Variants in INPPL1 observed in about 807,000 individuals in gnomAD.
INPPL1 encodes inositol polyphosphate phosphatase like 1.
Under a neutral mutation model 139.3 loss-of-function variants are expected in INPPL1, and 91 were observed. That is an observed-to-expected ratio of 0.65 (90% CI 0.55 to 0.78). The LOEUF (loss-of-function observed/expected upper bound fraction) is 0.78, where lower values mean the gene tolerates loss of function less well. Among genes scored for constraint, INPPL1 ranks in the 30% least tolerant of loss-of-function variants. INPPL1 has a pLI of 0.00. For missense variants in INPPL1, 1,411 were observed against 1,665.6 expected (o/e 0.85, Z 2.66); for synonymous variants, 719 against 686.6 (o/e 1.05, Z -0.74).
intron 1 of INPPL1, among the ~76,000 whole-genome samples, chr11:72,225,939 C>T (rs753793797): frequency 6.6e-6 from 1 of 152,154 alleles, no homozygotes; most frequent in Non-Finnish European, 1.5e-5. Flanking sequence ...GGTTTTGCAG[C>T]CTTCTAGCGG....
intron 27 of INPPL1, 44 bp downstream of exon 27, chr11:72,238,219 G>T: frequency 1.2e-6 from 2 of 1,613,356 alleles, no homozygotes; most frequent in East Asian, 2.2e-5. Flanking sequence ...GGGCCCTCAG[G>T]ATCCCCTTGC....
chr11:72,223,739 C>T (rs1948581734), upstream of INPPL1: 1 of 151,700 alleles, frequency 6.6e-6, no homozygotes, highest in African/African-American at 2.4e-5. Flanking sequence ...CGCTCAACCC[C>T]GCGCCGCGAC....
chr11:72,225,111 A>G lies in INPPL1; in HGVS notation c.127A>G (p.Ser43Gly). Residue 43 changes from serine to glycine, a missense_variant, in exon 1 of 28, where the codon AGC becomes GGC. Around this residue, in one of 5 missense-constraint regions of INPPL1, gnomAD observed 504 missense variants for 595.6 expected, o/e 0.85. Transcript: ENST00000298229. ...ELLARAGRDGSFLVRDSESVA... is the reference protein window; with the variant it reads ...ELLARAGRDGGFLVRDSESVA... ...GCTGGCCCGGGCGGGCCGCGATGGC[A>G]GCTTCCTGGTCCGAGACAGCGAGAG... is the stretch of plus-strand genomic sequence containing the variant. 1 of 1,232,746 alleles carries G rather than the reference A, an allele frequency of 8.1e-7. No homozygotes were observed. Among genetic ancestry groups the G allele is most frequent in the Non-Finnish European group, 1.0e-6 (1 of 988,400 alleles). 76.4% of individuals were successfully genotyped at this position (1,232,746 alleles called of 1,614,324 possible).
Position 72,231,032 on chromosome 11 carries a change from C to T in INPPL1, c.1340C>T (p.Thr447Ile), listed in dbSNP as rs1461743600. 2 of 1,613,938 alleles carry T rather than the reference C, an allele frequency of 1.2e-6. No individual in the cohort carries two copies. The highest frequency in any genetic ancestry group is 1.7e-6 in the Non-Finnish European group (2 of 1,179,990). Residue 447 changes from threonine (T) to isoleucine (I), a missense_variant, in exon 12 of 28, where the codon ACA becomes ATA. Thr to Ile is a moderately conservative substitution (Grantham distance 89). This residue lies in a region of INPPL1 where 504 missense variants were observed against 595.6 expected (regional missense o/e 0.85). Coordinates refer to ENST00000298229, the MANE Select transcript of INPPL1 (RefSeq NM_001567.4). ...CCAAAAAACGTGACATCCTGGTTCA[C>T]ATCGAAGGGTCTGGGGAAGACCCTG... ...PPPKNVTSWF[T>I]SKGLGKTLDE...
chr11:72,238,457 TCTGC>T lies in INPPL1; in HGVS notation c.*107_*110del, dbSNP rs1207915705. 54 of 897,268 alleles carry T rather than the reference TCTGC, an allele frequency of 6.0e-5. No homozygotes were observed. Among genetic ancestry groups the T allele is most frequent in the Admixed American group, 7.2e-5 (2 of 27,778 alleles). 55.6% of individuals were successfully genotyped at this position (897,268 alleles called of 1,614,324 possible). ...GTTATGAGGGTCAGGGCAGTATCTCTCTGCCTATTTATTGGGGTGCCTATTTATT... is the reference window on the plus strand; with the variant it reads ...GTTATGAGGGTCAGGGCAGTATCTCTCTATTTATTGGGGTGCCTATTTATT... On this transcript the variant is annotated 3_prime_UTR_variant, in exon 28 of 28. Coordinates refer to ENST00000298229, the MANE Select transcript of INPPL1 (RefSeq NM_001567.4).
chr11:72,224,095 T>G (rs1211018630), upstream of INPPL1: 1 of 151,940 alleles, frequency 6.6e-6, no homozygotes, highest in African/African-American at 2.4e-5. Context: ...GCTGGGGAAC[T>G]TGGCCGAGAG....
At position 72,231,127 on chromosome 11, in the gene INPPL1, C is replaced by T. The variant is rs762627344; in HGVS notation, c.1435C>T (p.Arg479Cys). ...GACCCAGGAGAACTCAGTGGGCGACCGCGAGTGGCTGGACCTACTGCGCGG... is the reference window on the plus strand; with the variant it reads ...GACCCAGGAGAACTCAGTGGGCGACTGCGAGTGGCTGGACCTACTGCGCGG... ...FGTQENSVGD[R>C]EWLDLLRGGL... Residue 479 changes from arginine (R) to cysteine (C), a missense_variant, in exon 12 of 28, where the codon CGC becomes TGC. Transcript: ENST00000298229. The T allele has an allele frequency of 2.9e-5, 47 of 1,613,632 alleles. No homozygotes were observed. The highest frequency in any genetic ancestry group is 3.8e-5 in the Non-Finnish European group (45 of 1,180,006).
chr11:72,231,156 C>T lies in INPPL1; in HGVS notation c.1464C>T (p.Gly488=), dbSNP rs747026290. 5 of 1,613,350 alleles carry T rather than the reference C, an allele frequency of 3.1e-6. No individual in the cohort carries two copies. Among genetic ancestry groups the T allele is most frequent in the Admixed American group, 1.7e-5 (1 of 60,002 alleles). ...DREWLDLLRG[G]LKELTDLDYR... ...AGTGGCTGGACCTACTGCGCGGGGGCCTCAAGGAGCTTACGGATCTGGATT... is the reference window on the plus strand; with the variant it reads ...AGTGGCTGGACCTACTGCGCGGGGGTCTCAAGGAGCTTACGGATCTGGATT... The change falls in exon 12 of 28, where the codon GGC becomes GGT. Residue 488 remains glycine, a synonymous_variant. Coordinates refer to ENST00000298229, the MANE Select transcript of INPPL1 (RefSeq NM_001567.4).
In INPPL1 at chr11:72,228,980, C is replaced by T. The variant is rs1948753439; in HGVS notation, c.519-110C>T. On this transcript the variant is annotated intron_variant, in intron 4 of 27. Coordinates refer to ENST00000298229, the MANE Select transcript of INPPL1 (RefSeq NM_001567.4). The surrounding 1 kb of genome is among the most constrained non-coding windows in gnomAD (Gnocchi z 5.0). ...CCACCTCAGCCCAGAGGCAGATAACCTGATCCATCCCGCCCTGGTTGCCAC... is the reference window on the plus strand; with the variant it reads ...CCACCTCAGCCCAGAGGCAGATAACTTGATCCATCCCGCCCTGGTTGCCAC... The T allele has an allele frequency of 6.6e-7, 1 of 1,523,374 alleles. No homozygotes were observed. Among genetic ancestry groups the T allele is most frequent in the Non-Finnish European group, 8.8e-7 (1 of 1,135,122 alleles). The allele number at this position is 1,523,374 out of a possible 1,614,324, so 94.4% of individuals were successfully genotyped here.
Position 72,234,288 on chromosome 11 carries a change from A to G in INPPL1, c.2220A>G (p.Ser740=), listed in dbSNP as rs61736312. 0.076 allele frequency: 123,234 copies of G among 1,612,546 alleles called. 6,630 individuals carry two copies. The highest frequency in any genetic ancestry group is 0.27 in the African/African-American group (20,325 of 74,824). ...TCCTCCCTTTCTCCTCAGGGCTCTC[A>G]AAGACTTCAGACCAGGCCTACATTG... ...TSQFISKKGL[S]KTSDQAYIEF... The change falls in exon 20 of 28, where the codon TCA becomes TCG. Residue 740 remains serine, a synonymous_variant. Transcript: ENST00000298229. The surrounding 1 kb of genome is among the most constrained non-coding windows in gnomAD (Gnocchi z 4.2).
chr11:72,226,397 T>C (rs1591268362), intron 1 of INPPL1, among the ~76,000 whole-genome samples: 1 of 152,098 alleles, frequency 6.6e-6, no homozygotes, highest in Admixed American at 6.6e-5. Flanking sequence ...GCCAGGCTGG[T>C]CTTGAACTCC....
At chr11:72,224,301 G>A (rs1948602155), upstream of INPPL1, among the ~76,000 whole-genome samples, 1 of 151,596 alleles carries the variant, frequency 6.6e-6, no homozygotes, top group Non-Finnish European at 1.5e-5. Context: ...CGCAGGAGTT[G>A]GGGGCCCCGC....
In INPPL1 at chr11:72,229,913, G is replaced by A; in HGVS notation, c.844-11G>A. On this transcript the variant is annotated splice_polypyrimidine_tract_variant and intron_variant, in intron 7 of 27. Transcript: ENST00000298229. Reference sequence around the variant, plus strand: ...TGTCCCCTGACCCCGCCCTGCCCTTGTTCCCTCCAGGCCCTGAAGGCCCTA... The same window carrying A: ...TGTCCCCTGACCCCGCCCTGCCCTTATTCCCTCCAGGCCCTGAAGGCCCTA... 1 of 1,613,338 alleles carries A rather than the reference G, an allele frequency of 6.2e-7. No individual in the cohort carries two copies.
Position 72,234,322 on chromosome 11 carries a change from A to G in INPPL1, c.2254A>G (p.Ser752Gly). 6.2e-7 allele frequency: 1 copy of G among 1,614,038 alleles called. No homozygotes were observed. The highest frequency in any genetic ancestry group is 8.5e-7 in the Non-Finnish European group (1 of 1,180,000). Reference protein sequence around the residue: ...TSDQAYIEFESIEAIVKTASR... With the variant: ...TSDQAYIEFEGIEAIVKTASR... ...AGACCAGGCCTACATTGAGTTTGAG[A>G]GCATCGAGGCCATTGTGAAGACAGC... The change falls in exon 20 of 28, where the codon AGC becomes GGC. Residue 752 changes from serine to glycine, a missense_variant. By Grantham distance (56) the Ser-to-Gly change is moderately conservative. This residue lies in a region of INPPL1 where 363 missense variants were observed against 446.2 expected (regional missense o/e 0.81). Transcript: ENST00000298229. This position sits in a 1 kb window ranked among gnomAD's most constrained non-coding sequence, Gnocchi z 4.2.
rs1437213091 is a variant in INPPL1, at chr11:72,232,310, C to T, written c.1686C>T (p.Leu562=). The T allele has an allele frequency of 6.4e-6, 10 of 1,553,620 alleles. No individual in the cohort carries two copies. Among genetic ancestry groups the T allele is most frequent in the African/African-American group, 2.7e-5 (2 of 73,302 alleles). ...CATTTGGCTTTGTGAATTGTCACCT[C>T]ACCTCGGGAAATGAGAAGACGGCTC... The part of the protein sequence containing the change: ...GTSFGFVNCH[L]TSGNEKTARR... The change falls in exon 14 of 28, where the codon CTC becomes CTT. Residue 562 remains leucine (L), a synonymous_variant. Coordinates refer to ENST00000298229, the MANE Select transcript of INPPL1 (RefSeq NM_001567.4).
chr11:72,232,515 G>A, intron 14 of INPPL1, 111 bp from the exon 15 acceptor site: 3 of 1,413,256 alleles, frequency 2.1e-6, no homozygotes, highest in Non-Finnish European at 2.9e-6. Flanking sequence ...CAGGGGCCCG[G>A]ATCTTTACCC....
chr11:72,233,734 CT>C lies in INPPL1; in HGVS notation c.2203del (p.Ser735ProfsTer23). On this transcript the variant is annotated frameshift_variant, in exon 19 of 28. Transcript: ENST00000298229. LOFTEE classifies it high-confidence loss of function. ...AGGTTGGAGTTACCTCCCAGTTCAT[CT>C]CCAAGAAAGGTGACTGTTCCAGATA... ...FEVGVTSQFI[S>X]KKGLSKTSDQ... 6.2e-6 allele frequency: 10 copies of C among 1,613,946 alleles called. No homozygotes were observed. Among genetic ancestry groups the C allele is most frequent in the Non-Finnish European group, 8.5e-6 (10 of 1,179,824 alleles).
In INPPL1 at chr11:72,232,578, C is replaced by A. The variant is rs1371961983; in HGVS notation, c.1713-48C>A. The A allele has an allele frequency of 4.4e-6, 7 of 1,603,516 alleles. No individual in the cohort carries two copies. In the Admixed American group the frequency reaches 1.2e-4, roughly 27 times the overall value. ...TTTATGCCTATCCCTGACTTCTGGC[C>A]CTGACCCTGGGGATCTACCCCTCCC... On this transcript the variant is annotated intron_variant, in intron 14 of 27. Transcript: ENST00000298229.
chr11:72,237,083 G>C (rs1474256050), intron 25 of INPPL1, 41 bp from the exon 26 acceptor site: 1 of 1,529,944 alleles, frequency 6.5e-7, no homozygotes, highest in Non-Finnish European at 8.8e-7. Flanking sequence ...TTAGACCTGG[G>C]TTCCTGGATC....
Sources: allele counts gnomAD v4.1 joint callset (sites outside exome capture counted in the v4.1 genomes callset), GRCh38; gene constraint gnomAD v4.1.1; regional missense constraint gnomAD v4.1.1; non-coding constraint Gnocchi (gnomAD v3.1); transcripts MANE v1.5; gene names NCBI Gene and HGNC (gene_info 2026-07-23, HGNC 2026-07-21).